The following PRDM12 variants were observed in gnomAD, a reference collection of about 807,000 sequenced individuals.
PRDM12 encodes PR/SET domain 12.
PRDM12 carries 17 observed loss-of-function variants against 29.6 expected under a neutral mutation model. The observed-to-expected ratio is 0.57, with a 90% CI of 0.39 to 0.86. The LOEUF is 0.86. PRDM12 is among the 40% of genes least tolerant of loss of function. The pLI is 0.00. For synonymous variants in PRDM12, 231 were observed against 225.8 expected (o/e 1.02, Z -0.21); for missense variants, 422 against 510.8 (o/e 0.83, Z 1.68).
intron 4 of PRDM12, among the ~76,000 whole-genome samples, chr9:130,680,741 G>A (rs565867785): frequency 2.0e-4 from 29 of 147,374 alleles, no homozygotes; most frequent in African/African-American, 7.3e-4. Context: ...CAGTTCCATG[G>A]TACAGAGTAG....
chr9:130,668,836 C>A lies in PRDM12; in HGVS notation c.570+523C>A, dbSNP rs1830759470. Among the ~76,000 whole-genome samples the A allele has an allele frequency of 6.6e-6, 1 of 152,116 alleles. No individual in the cohort carries two copies. Among genetic ancestry groups the A allele is most frequent in the Non-Finnish European group, 1.5e-5 (1 of 68,016 alleles). On this transcript the variant is annotated intron_variant, in intron 3 of 4. Coordinates refer to ENST00000253008, the MANE Select transcript of PRDM12 (RefSeq NM_021619.3). This position sits in a 1 kb window ranked among gnomAD's most constrained non-coding sequence, Gnocchi z 4.0. Reference sequence around the variant, plus strand: ...AGGCTTCTCCCAGATGCTGGATATGCAGTATGGTATTTAATCCCCACGGGG... The same window carrying A: ...AGGCTTCTCCCAGATGCTGGATATGAAGTATGGTATTTAATCCCCACGGGG...
chr9:130,681,276 T>G lies in PRDM12; in HGVS notation c.711T>G (p.Ala237=), dbSNP rs754277042. Residue 237 remains alanine (A), a synonymous_variant, in exon 5 of 5, where the codon GCT becomes GCG. Transcript: ENST00000253008. This position sits in a 1 kb window ranked among gnomAD's most constrained non-coding sequence, Gnocchi z 8.1. ...ACTTCCACCCGGCGGACTCGGCGGCTGGCCCCGCGGGCCGCATGCGATGCG... is the reference window on the plus strand; with the variant it reads ...ACTTCCACCCGGCGGACTCGGCGGCGGGCCCCGCGGGCCGCATGCGATGCG... ...HEDFHPADSA[A]GPAGRMRCVI... is the part of the protein sequence containing the mutation. 78 of 1,480,658 alleles carry G rather than the reference T, an allele frequency of 5.3e-5. No homozygotes were observed. The highest frequency in any genetic ancestry group is 7.0e-5 in the Non-Finnish European group (78 of 1,109,968). 91.7% of individuals were successfully genotyped at this position (1,480,658 alleles called of 1,614,324 possible). A position where few individuals can be genotyped will look rare whatever the true frequency, so the allele number is the denominator to read the frequency against.
Position 130,676,799 on chromosome 9 carries a change from A to C in PRDM12, c.571-1730A>C, listed in dbSNP as rs577478959. ...ATGATGCCCCGTGAACCATGGGGGC[A>C]TGTGGAAATGGATGTGGTGACTCTA... is the stretch of plus-strand genomic sequence containing the variant. On this transcript the variant is annotated intron_variant, in intron 3 of 4. Transcript: ENST00000253008. 4.1e-4 allele frequency among the ~76,000 whole-genome samples: 62 copies of C among 152,298 alleles called. 1 individual carries two copies. The highest frequency in any genetic ancestry group is 3.1e-4 in the Non-Finnish European group (21 of 68,028).
intron 1 of PRDM12, among the ~76,000 whole-genome samples, chr9:130,665,144 C>G (rs1222322937): frequency 1.3e-5 from 2 of 152,220 alleles, no homozygotes; most frequent in Non-Finnish European, 2.9e-5. Context: ...CCTCCCTTCC[C>G]CTCCTGCGCT....
intron 4 of PRDM12, among the ~76,000 whole-genome samples, chr9:130,679,460 G>A (rs985102358): frequency 6.6e-6 from 1 of 150,736 alleles, no homozygotes; most frequent in Non-Finnish European, 1.5e-5. Flanking sequence ...AGCCTCCCGA[G>A]TAGTTGGGAT....
chr9:130,681,220 C>CCCCCGCCCCG lies in PRDM12; in HGVS notation c.683-16_683-7dup, dbSNP rs759795008. 5 of 1,429,448 alleles carry CCCCCGCCCCG rather than the reference C, an allele frequency of 3.5e-6. No homozygotes were observed. The highest frequency in any genetic ancestry group is 4.6e-6 in the Non-Finnish European group (5 of 1,088,116). The allele number at this position is 1,429,448 out of a possible 1,614,324, so 88.5% of individuals were successfully genotyped here. A position where few individuals can be genotyped will look rare whatever the true frequency, so the allele number is the denominator to read the frequency against. ...CTCTCTCCCCTTCTCCGTCTCCCTT[C>CCCCCGCCCCG]CCCCGCCCCGCCCCGCCCCGCGGCC... On this transcript the variant is annotated intron_variant, in intron 4 of 4. Transcript: ENST00000253008. This position sits in a 1 kb window ranked among gnomAD's most constrained non-coding sequence, Gnocchi z 8.1.
chr9:130,671,190 C>A (rs970496148), intron 3 of PRDM12, among the ~76,000 whole-genome samples: 3 of 152,004 alleles, frequency 2.0e-5, no homozygotes, highest in Non-Finnish European at 4.4e-5. Context: ...ACTAAAAATA[C>A]AAAAATTAGC....
intron 3 of PRDM12, among the ~76,000 whole-genome samples, chr9:130,674,075 C>T (rs1449614940): frequency 7.3e-6 from 1 of 136,166 alleles, no homozygotes; most frequent in African/African-American, 2.8e-5. Context: ...AGTGCAATGG[C>T]GCCATCTCAG....
In PRDM12 at chr9:130,666,705, G is replaced by T. The variant is rs1326707970; in HGVS notation, c.321G>T (p.Trp107Cys). The change falls in exon 2 of 5, where the codon TGG (tryptophan) becomes TGT (cysteine). Residue 107 changes from tryptophan (W) to cysteine (C), a missense_variant. This residue lies in a region of PRDM12 where 300 missense variants were observed against 350.0 expected (regional missense o/e 0.86). Transcript: ENST00000253008. ...GEGLGIFSKT[W>C]IKAGTEMGPF... ...GCCTCGGCATCTTCTCCAAGACGTG[G>T]ATCAAGGCGGGAACCGAGATGGGCC... 1 of 1,613,598 alleles carries T rather than the reference G, an allele frequency of 6.2e-7. No homozygotes were observed. The highest frequency in any genetic ancestry group is 1.1e-5 in the South Asian group (1 of 91,018).
rs568854655 is a variant in PRDM12, at chr9:130,670,977, T to C, written c.570+2664T>C. ...CCGAAGGCAAGGAGGCTGAAGAATATCTTCAGGGAAGCATTTGAGTTTATA... is the reference window on the plus strand; with the variant it reads ...CCGAAGGCAAGGAGGCTGAAGAATACCTTCAGGGAAGCATTTGAGTTTATA... On this transcript the variant is annotated intron_variant, in intron 3 of 4. Transcript: ENST00000253008. Among the ~76,000 whole-genome samples the C allele has an allele frequency of 3.9e-5, 6 of 152,280 alleles. No homozygotes were observed. In the East Asian group the frequency reaches 1.2e-3, roughly 29 times the overall value.
In PRDM12 at chr9:130,668,882, G is replaced by C. The variant is rs966768879; in HGVS notation, c.570+569G>C. On this transcript the variant is annotated intron_variant, in intron 3 of 4. Transcript: ENST00000253008. The surrounding 1 kb of genome is among the most constrained non-coding windows in gnomAD (Gnocchi z 4.0). ...CGGGGCCCCAGGAGGAGGATTCTGT[G>C]ATTATTTACAGTTTACTGACCAGAA... 1.3e-5 allele frequency among the ~76,000 whole-genome samples: 2 copies of C among 152,092 alleles called. No individual in the cohort carries two copies. The highest frequency in any genetic ancestry group is 3.9e-4 in the East Asian group (2 of 5,192).
Position 130,680,661 on chromosome 9 carries a change from T to TATATA in PRDM12, c.683-587_683-586insATATA, listed in dbSNP as rs1564249414. Among the ~76,000 whole-genome samples, 15 of 77,206 alleles carry TATATA rather than the reference T, an allele frequency of 1.9e-4. No individual in the cohort carries two copies. The East Asian group carries it at 1.9e-3, about 10-fold the overall frequency. The allele number at this position is 77,206 out of a possible 152,430, so 50.7% of individuals were successfully genotyped here. On this transcript the variant is annotated intron_variant, in intron 4 of 4. Coordinates refer to ENST00000253008, the MANE Select transcript of PRDM12 (RefSeq NM_021619.3). ...TATATATATATATATATATATATAT[T>TATATA]TTTTTTTTTTTTAACTGATCCTTAC...
rs780468395 is a variant in PRDM12, at chr9:130,678,581, C to A, written c.623C>A (p.Thr208Asn). Residue 208 changes from threonine (T) to asparagine (N), a missense_variant, in exon 4 of 5, where the codon ACC becomes AAC. By Grantham distance (65) the Thr-to-Asn change is moderately conservative (BLOSUM62 0). This residue lies in a region of PRDM12 where 300 missense variants were observed against 350.0 expected (regional missense o/e 0.86). Transcript: ENST00000253008. ...LLVWYGNSHN[T>N]FLGIPGVPGL... The stretch of plus-strand genomic sequence containing the variant: ...GTGTGGTACGGAAACTCACACAACA[C>A]CTTCCTGGGGATCCCAGGTGTGCCC... 1.2e-6 allele frequency: 2 copies of A among 1,613,710 alleles called. No homozygotes were observed. Among genetic ancestry groups the A allele is most frequent in the East Asian group, 4.5e-5 (2 of 44,818 alleles).
chr9:130,664,820 A>C lies in PRDM12; in HGVS notation c.167A>C (p.His56Pro). The change falls in exon 1 of 5, where the codon CAC becomes CCC. Residue 56 changes from histidine to proline, a missense_variant. This residue lies in a region of PRDM12 where 300 missense variants were observed against 350.0 expected (regional missense o/e 0.86). Transcript: ENST00000253008. This position sits in a 1 kb window ranked among gnomAD's most constrained non-coding sequence, Gnocchi z 6.4. Reference sequence around the variant, plus strand: ...CAGCTCTTCGAGGACAAGAGCCACCACGCCAGCCCCAAGACAGCCTTCACC... The same window carrying C: ...CAGCTCTTCGAGGACAAGAGCCACCCCGCCAGCCCCAAGACAGCCTTCACC... The part of the protein sequence containing the change: ...GEQLFEDKSH[H>P]ASPKTAFTAE... 6.4e-7 allele frequency: 1 copy of C among 1,561,724 alleles called. No homozygotes were observed. Among genetic ancestry groups the C allele is most frequent in the African/African-American group, 1.4e-5 (1 of 73,704 alleles).
In PRDM12 at chr9:130,681,717, A is replaced by T. The variant is rs920703936; in HGVS notation, c.*48A>T. The T allele has an allele frequency of 2.8e-5, 27 of 978,532 alleles. No homozygotes were observed. The African/African-American group carries it at 4.8e-4, about 17-fold the overall frequency. 60.6% of individuals were successfully genotyped at this position (978,532 alleles called of 1,614,324 possible). A position where few individuals can be genotyped will look rare whatever the true frequency, so the allele number is the denominator to read the frequency against. Reference sequence around the variant, plus strand: ...CCCCGCGCGCTCCTGGGTCCCCGGCACCCCGGCCCCGCAGCGCGACTCGCC... The same window carrying T: ...CCCCGCGCGCTCCTGGGTCCCCGGCTCCCCGGCCCCGCAGCGCGACTCGCC... On this transcript the variant is annotated 3_prime_UTR_variant, in exon 5 of 5. Transcript: ENST00000253008. This position sits in a 1 kb window ranked among gnomAD's most constrained non-coding sequence, Gnocchi z 8.1.
Position 130,668,562 on chromosome 9 carries a change from G to A in PRDM12, c.570+249G>A, listed in dbSNP as rs1390091298. Among the ~76,000 whole-genome samples the A allele has an allele frequency of 6.6e-6, 1 of 152,216 alleles. No individual in the cohort carries two copies. Among genetic ancestry groups the A allele is most frequent in the East Asian group, 1.9e-4 (1 of 5,194 alleles). On this transcript the variant is annotated intron_variant, in intron 3 of 4. Coordinates refer to ENST00000253008, the MANE Select transcript of PRDM12 (RefSeq NM_021619.3). This position sits in a 1 kb window ranked among gnomAD's most constrained non-coding sequence, Gnocchi z 4.0. Reference sequence around the variant, plus strand: ...AAATGATGGAGCTCTCAACTTGACGGCATTGGGAATGTCACGAGCATCTCC... The same window carrying A: ...AAATGATGGAGCTCTCAACTTGACGACATTGGGAATGTCACGAGCATCTCC...
chr9:130,675,937 TG>T (rs1433478104), intron 3 of PRDM12, among the ~76,000 whole-genome samples: 1 of 152,126 alleles, frequency 6.6e-6, no homozygotes, highest in Non-Finnish European at 1.5e-5. Flanking sequence ...GTCTTAGAGT[TG>T]GGGGGAAACT....
chr9:130,679,859 G>A (rs1431630309), intron 4 of PRDM12, among the ~76,000 whole-genome samples: 2 of 151,122 alleles, frequency 1.3e-5, no homozygotes, highest in East Asian at 4.0e-4. Flanking sequence ...ATGGGGTCTC[G>A]CCATGTTGCC....
At chr9:130,672,523 C>T (rs1407252561) in intron 3 of PRDM12, among the ~76,000 whole-genome samples, 1 of 152,176 alleles carries the variant, frequency 6.6e-6, no homozygotes, top group Non-Finnish European at 1.5e-5. Context: ...GCTCAGCCCT[C>T]GGGGTGCTGC....
Sources: allele counts gnomAD v4.1 joint callset (sites outside exome capture counted in the v4.1 genomes callset), GRCh38; gene constraint gnomAD v4.1.1; regional missense constraint gnomAD v4.1.1; non-coding constraint Gnocchi (gnomAD v3.1); transcripts MANE v1.5; gene names NCBI Gene and HGNC (gene_info 2026-07-23, HGNC 2026-07-21).